The following BLTP1 variants were observed in gnomAD, a reference collection of about 807,000 sequenced individuals.
BLTP1 encodes bridge-like lipid transfer protein family member 1.
At chr4:122,190,211 T>A in the BLTP1 span, 1 of 1,191,278 alleles carries the variant, frequency 8.4e-7, no homozygotes. Context: ...ATCCTCCTAC[T>A]TCAGCCTCCT....
chr4:122,258,678 C>G, the BLTP1 span: 1 of 1,602,142 alleles, frequency 6.2e-7, no homozygotes, highest in South Asian at 1.1e-5. Context: ...CTATTGCTCA[C>G]TTATTCTTTT....
chr4:122,266,061 G>A, the BLTP1 span, among the ~76,000 whole-genome samples: 1 of 152,274 alleles, frequency 6.6e-6, no homozygotes, highest in East Asian at 1.9e-4. Context: ...AGAGGAGGCT[G>A]AGAAAAGCAC....
At chr4:122,184,085 A>C in the BLTP1 span, among the ~76,000 whole-genome samples, 1 of 152,236 alleles carries the variant, frequency 6.6e-6, no homozygotes, top group Non-Finnish European at 1.5e-5. Flanking sequence ...CTGCAAGATT[A>C]ATAGAAGCAT....
chr4:122,277,993 A>G, the BLTP1 span, among the ~76,000 whole-genome samples: 1 of 152,070 alleles, frequency 6.6e-6, no homozygotes, highest in Non-Finnish European at 1.5e-5. Flanking sequence ...ATTTTCTTCT[A>G]TAGATTCTTC....
chr4:122,217,223 A>G, the BLTP1 span, among the ~76,000 whole-genome samples: 1 of 152,026 alleles, frequency 6.6e-6, no homozygotes, highest in African/African-American at 2.4e-5. Context: ...GCCTGTTTTT[A>G]TAACAGTACC....
At chr4:122,171,640 G>T in the BLTP1 span, 1 of 88,818 alleles carries the variant, frequency 1.1e-5, no homozygotes, top group African/African-American at 5.3e-5. Flanking sequence ...GGGTTACACA[G>T]GTTTTTTTTT....
chr4:122,337,397 T>C, the BLTP1 span, among the ~76,000 whole-genome samples: 2 of 152,204 alleles, frequency 1.3e-5, no homozygotes, highest in Admixed American at 6.6e-5. Flanking sequence ...TATAATAAAA[T>C]ATTGAATATC....
chr4:122,339,482 T>A, the BLTP1 span: 3 of 985,016 alleles, frequency 3.0e-6, no homozygotes, highest in Non-Finnish European at 4.2e-6. Flanking sequence ...TAATAGTAAT[T>A]AATACATATT....
At chr4:122,336,966 A>G in the BLTP1 span, 3 of 1,612,390 alleles carry the variant, frequency 1.9e-6, no homozygotes, top group Non-Finnish European at 2.5e-6. Context: ...TGTCGTCTTC[A>G]ACATCTGCTT....
the BLTP1 span, among the ~76,000 whole-genome samples, chr4:122,232,619 A>G: frequency 6.6e-6 from 1 of 152,140 alleles, no homozygotes; most frequent in African/African-American, 2.4e-5. Context: ...AAAAAATAAG[A>G]TAAAAAACAT....
chr4:122,180,048 A>G, the BLTP1 span: 2 of 367,520 alleles, frequency 5.4e-6, no homozygotes, highest in Non-Finnish European at 6.8e-6. Flanking sequence ...ACACACATAC[A>G]CACACACACA....
At chr4:122,227,916 A>C in the BLTP1 span, among the ~76,000 whole-genome samples, 273 of 136,504 alleles carry the variant, frequency 2.0e-3, 2 homozygotes, top group African/African-American at 6.9e-3. Flanking sequence ...TTGCATTAAA[A>C]TTTTTTTTTT....
chr4:122,336,484 T>C, the BLTP1 span: 6 of 767,468 alleles, frequency 7.8e-6, no homozygotes, highest in African/African-American at 1.1e-4. Context: ...TTATAAACTG[T>C]AAAAGAACTT....
the BLTP1 span, chr4:122,289,155 C>A: frequency 6.2e-7 from 1 of 1,609,846 alleles, no homozygotes; most frequent in South Asian, 1.1e-5. Flanking sequence ...AGAAAGTGTT[C>A]ATGAAGGAAG....
the BLTP1 span, chr4:122,264,165 GCTTCAAAAGTTTACC>G: frequency 7.1e-7 from 1 of 1,408,906 alleles, no homozygotes; most frequent in African/African-American, 1.5e-5. Context: ...TACTATACAG[GCTTCAAAAGTTTACC>G]CTGCTGTACA....
the BLTP1 span, chr4:122,235,419 T>C: frequency 1.0e-6 from 1 of 974,258 alleles, no homozygotes. Flanking sequence ...ATATTTATAC[T>C]GTTGGCCCCC....
chr4:122,310,972 A>C, the BLTP1 span: 1 of 789,706 alleles, frequency 1.3e-6, no homozygotes, highest in Non-Finnish European at 1.5e-6. Flanking sequence ...CAATAGTTAT[A>C]CATGGCTTTT....
chr4:122,169,610 C>CT, the BLTP1 span: 1 of 958,022 alleles, frequency 1.0e-6, no homozygotes, highest in Non-Finnish European at 1.2e-6. Context: ...AACTTTGTTC[C>CT]TTTTTTCTTA....
At chr4:122,220,148 C>T in the BLTP1 span, 1 of 211,610 alleles carries the variant, frequency 4.7e-6, no homozygotes, top group African/African-American at 2.4e-5. Context: ...CGGTGGCCCT[C>T]TGTTGCTTAG....
Sources: allele counts gnomAD v4.1 joint callset (sites outside exome capture counted in the v4.1 genomes callset), GRCh38; gene constraint gnomAD v4.1.1; transcripts MANE v1.5; gene names NCBI Gene and HGNC (gene_info 2026-07-23, HGNC 2026-07-21).